CPQ: variants seen among roughly 807,000 people sequenced by gnomAD.
The protein encoded by CPQ is carboxypeptidase Q.
CPQ carries 37 observed loss-of-function variants against 45.7 expected under a neutral mutation model. The observed-to-expected ratio is 0.81, with a 90% CI of 0.62 to 1.07. CPQ has a LOEUF of 1.07. Ranked by LOEUF, CPQ falls within the 50% of genes least tolerant of loss-of-function variation. The pLI, the probability that CPQ is intolerant of heterozygous loss-of-function variation, is 0.00. For missense variants in CPQ, 537 were observed against 572.9 expected, an observed-to-expected ratio of 0.94 and a Z score of 0.64; for synonymous variants, 186 against 205.8, an observed-to-expected ratio of 0.90 and a Z score of 0.82.
chr8:97,113,536 AAAACAGAG>A (rs1385160952), intron 7 of CPQ, among the ~76,000 whole-genome samples: 1 of 152,244 alleles, frequency 6.6e-6, no homozygotes, highest in Non-Finnish European at 1.5e-5. Context: ...CTCAGTTTGC[AAAACAGAG>A]AATTCAGTTC....
At chr8:96,998,039 C>T (rs1229426158) in intron 5 of CPQ, among the ~76,000 whole-genome samples, 1 of 151,958 alleles carries the variant, frequency 6.6e-6, no homozygotes, top group East Asian at 1.9e-4. Flanking sequence ...TTCTGCTTAT[C>T]CTGTCTCCTC....
At chr8:96,713,713 G>A (rs1809642428) in intron 1 of CPQ, among the ~76,000 whole-genome samples, 1 of 152,136 alleles carries the variant, frequency 6.6e-6, no homozygotes, top group Middle Eastern at 3.2e-3. Flanking sequence ...TTTGGATGGG[G>A]ACACAGCCAA....
chr8:96,895,825 A>G (rs1043678268), intron 4 of CPQ, among the ~76,000 whole-genome samples: 1 of 152,162 alleles, frequency 6.6e-6, no homozygotes, highest in Non-Finnish European at 1.5e-5. Flanking sequence ...TTAAGGTTAA[A>G]CTAATTTAAT....
intron 7 of CPQ, among the ~76,000 whole-genome samples, chr8:97,073,446 G>A (rs748587461): frequency 5.9e-5 from 9 of 152,192 alleles, no homozygotes; most frequent in Non-Finnish European, 8.8e-5. Context: ...TAATTTAATG[G>A]TGCCTCCCTT....
Position 97,072,548 on chromosome 8 carries a change from G to A in CPQ, c.1255+6338G>A, listed in dbSNP as rs540458252. On this transcript the variant is annotated intron_variant, in intron 7 of 7. Coordinates refer to ENST00000220763, the MANE Select transcript of CPQ (RefSeq NM_016134.4). ...TCGGTAAAGAGGAAGTCAAACTGTC[G>A]CTGTTTGCTGATGATATGACCGTAT... is the stretch of plus-strand genomic sequence containing the variant. Among the ~76,000 whole-genome samples the A allele has an allele frequency of 6.6e-5, 10 of 152,192 alleles. No individual in the cohort carries two copies. The East Asian group carries it at 1.2e-3, about 18-fold the overall frequency.
intron 5 of CPQ, among the ~76,000 whole-genome samples, chr8:97,004,273 TA>T (rs765381107): frequency 3.3e-3 from 450 of 134,652 alleles, no homozygotes; most frequent in African/African-American, 6.1e-3. Flanking sequence ...AAATAATTTG[TA>T]AAAAAAAAAA....
intron 6 of CPQ, among the ~76,000 whole-genome samples, chr8:97,056,979 C>A (rs1194386205): frequency 6.6e-6 from 1 of 152,092 alleles, no homozygotes; most frequent in Non-Finnish European, 1.5e-5. Flanking sequence ...CCAGTTATTG[C>A]CTCTGCTGGT....
At chr8:96,662,818 A>G (rs1042200678) in intron 1 of CPQ, among the ~76,000 whole-genome samples, 1 of 151,996 alleles carries the variant, frequency 6.6e-6, no homozygotes, top group Non-Finnish European at 1.5e-5. Context: ...CAAAACCTCA[A>G]CTGTACAAAA....
At chr8:97,048,821 A>G (rs1488450875) in intron 6 of CPQ, among the ~76,000 whole-genome samples, 1 of 152,260 alleles carries the variant, frequency 6.6e-6, no homozygotes, top group Non-Finnish European at 1.5e-5. Context: ...GTTTCCAAAG[A>G]ATTTGGCAGA....
intron 7 of CPQ, among the ~76,000 whole-genome samples, chr8:97,137,828 G>C (rs1452690820): frequency 1.3e-5 from 2 of 152,000 alleles, no homozygotes; most frequent in Admixed American, 1.3e-4. Context: ...GGCGGAGCTT[G>C]CAGTGAGCCA....
intron 3 of CPQ, among the ~76,000 whole-genome samples, chr8:96,872,342 C>G (rs1184437108): frequency 6.6e-6 from 1 of 151,902 alleles, no homozygotes; most frequent in Non-Finnish European, 1.5e-5. Context: ...CCATTTGTGG[C>G]ATCGTGTTGG....
At chr8:96,718,649 G>C (rs572152260) in intron 1 of CPQ, among the ~76,000 whole-genome samples, 6 of 152,096 alleles carry the variant, frequency 3.9e-5, no homozygotes, top group African/African-American at 1.2e-4. Flanking sequence ...CTGCTGGCTC[G>C]GGCAGCCTGC....
intron 5 of CPQ, among the ~76,000 whole-genome samples, chr8:96,989,499 AGGAGAGGAGAGGAGC>A (rs1471832764): frequency 5.7e-4 from 83 of 146,466 alleles, no homozygotes; most frequent in African/African-American, 2.1e-3. Flanking sequence ...AGTGGAGGAG[AGGAGAGGAGAGGAGC>A]GGAGAGGAGA....
chr8:96,774,960 T>C (rs1490858447), intron 1 of CPQ, among the ~76,000 whole-genome samples: 1 of 152,200 alleles, frequency 6.6e-6, no homozygotes, highest in Non-Finnish European at 1.5e-5. Flanking sequence ...ATTTTTCTCA[T>C]ATACAGGAAA....
At chr8:96,834,885 G>C in intron 2 of CPQ, 88 bp from the exon 3 acceptor site, 2 of 1,127,928 alleles carry the variant, frequency 1.8e-6, no homozygotes, top group Non-Finnish European at 2.5e-6. Context: ...AGATGTAGCA[G>C]AAAGAGCATG....
At chr8:96,792,401 C>A (rs1326439230) in intron 2 of CPQ, among the ~76,000 whole-genome samples, 1 of 152,180 alleles carries the variant, frequency 6.6e-6, no homozygotes, top group Non-Finnish European at 1.5e-5. Flanking sequence ...AACTCTGGGT[C>A]TTCATGGTTT....
intron 1 of CPQ, among the ~76,000 whole-genome samples, chr8:96,659,580 C>G (rs1815675695): frequency 6.6e-6 from 1 of 152,204 alleles, no homozygotes; most frequent in South Asian, 2.1e-4. Flanking sequence ...ATCTTCATCT[C>G]TACACTTTAC....
In CPQ at chr8:96,718,387, G is replaced by C. The variant is rs529681146; in HGVS notation, c.-34-66477G>C. Among the ~76,000 whole-genome samples the C allele has an allele frequency of 2.0e-5, 3 of 152,244 alleles. No individual in the cohort carries two copies. In the South Asian group the frequency reaches 6.2e-4, roughly 32 times the overall value. On this transcript the variant is annotated intron_variant, in intron 1 of 7. Transcript: ENST00000220763. The stretch of plus-strand genomic sequence containing the variant: ...CTTCTGGTGGGTTCGTGGTCTCACT[G>C]GCTCAGGAGTGAAGCTGCAGACCTT...
At chr8:96,935,263 C>T (rs1195575032) in intron 4 of CPQ, among the ~76,000 whole-genome samples, 3 of 152,168 alleles carry the variant, frequency 2.0e-5, no homozygotes, top group Non-Finnish European at 4.4e-5. Context: ...TGGCAACAGG[C>T]GTATATCCTA....
Sources: allele counts gnomAD v4.1 joint callset (sites outside exome capture counted in the v4.1 genomes callset), GRCh38; gene constraint gnomAD v4.1.1; transcripts MANE v1.5; gene names NCBI Gene and HGNC (gene_info 2026-07-23, HGNC 2026-07-21).